The following C19orf47 variants were observed in gnomAD, a reference collection of about 807,000 sequenced individuals.
C19orf47 encodes chromosome 19 open reading frame 47.
A neutral mutation model predicts 32.3 loss-of-function variants in C19orf47; 18 were observed. That is an observed-to-expected ratio of 0.56 (90% CI 0.39 to 0.83). The LOEUF (loss-of-function observed/expected upper bound fraction) is 0.83. Among genes scored for constraint, C19orf47 ranks in the 40% least tolerant of loss-of-function variants. The pLI, the probability that C19orf47 is intolerant of heterozygous loss-of-function variation, is 0.00. For missense variants in C19orf47, 484 were observed against 531.6 expected, an observed-to-expected ratio of 0.91 and a Z score of 0.88; for synonymous variants, 202 against 211.1, an observed-to-expected ratio of 0.96 and a Z score of 0.37.
chr19:40,317,442 T>G (rs925194378), downstream of C19orf47, among the ~76,000 whole-genome samples: 1 of 151,338 alleles, frequency 6.6e-6, no homozygotes, highest in Admixed American at 6.6e-5. Flanking sequence ...AAACTAAAAG[T>G]AAAAAGTGCT....
intron 5 of C19orf47, among the ~76,000 whole-genome samples, chr19:40,332,890 C>T (rs537078613): frequency 1.6e-4 from 24 of 152,306 alleles, no homozygotes; most frequent in African/African-American, 5.5e-4. Context: ...TGTAAACAAG[C>T]ATCCTTTGCC....
Position 40,328,488 on chromosome 19 carries a change from G to A in C19orf47, c.364C>T (p.Arg122Cys), listed in dbSNP as rs142469218. The A allele has an allele frequency of 7.2e-5, 116 of 1,611,874 alleles. No homozygotes were observed. Among genetic ancestry groups the A allele is most frequent in the African/African-American group, 2.0e-4 (15 of 74,778 alleles). Residue 122 changes from arginine to cysteine, a missense_variant, in exon 6 of 9, where the codon CGC becomes TGC. Transcript: ENST00000683109. ...ATCTTGGAGGTGCTGGTGTCCGGGCGCCTGGGGGGTGTGCTGGGTGGAGAG... is the reference window on the plus strand; with the variant it reads ...ATCTTGGAGGTGCTGGTGTCCGGGCACCTGGGGGGTGTGCTGGGTGGAGAG... ...HDSPPSTPPR[R>C]PDTSTSKISV...
Position 40,322,351 on chromosome 19 carries a change from C to T in C19orf47, c.689G>A (p.Gly230Glu). 1.3e-6 allele frequency: 2 copies of T among 1,594,922 alleles called. No individual in the cohort carries two copies. The highest frequency in any genetic ancestry group is 1.7e-6 in the Non-Finnish European group (2 of 1,168,120). Residue 230 changes from glycine (G) to glutamate (E), a missense_variant, in exon 9 of 9, where the codon GGG becomes GAG. This residue lies in a region of C19orf47 where 376 missense variants were observed against 370.2 expected (regional missense o/e 1.02). Transcript: ENST00000683109. Reference protein sequence around the residue: ...SKPTGVFSRLGATPETDEDLA... With the variant: ...SKPTGVFSRLEATPETDEDLA... ...ATCCTCGTCCGTTTCTGGGGTGGCC[C>T]CCAGGCGGCTGAAGACTCCTGTGGG... is the stretch of plus-strand genomic sequence containing the variant.
intron 1 of C19orf47, among the ~76,000 whole-genome samples, chr19:40,347,015 G>A (rs2078311376): frequency 6.6e-6 from 1 of 152,092 alleles, no homozygotes; most frequent in Non-Finnish European, 1.5e-5. Context: ...TGTGAGCTGG[G>A]AACAAGTATA....
intron 4 of C19orf47, among the ~76,000 whole-genome samples, chr19:40,335,624 T>TG (rs1374076550): frequency 1.3e-5 from 2 of 151,882 alleles, no homozygotes; most frequent in Non-Finnish European, 2.9e-5. Context: ...TTTTTTTTTT[T>TG]TTCTTGAGAG....
At chr19:40,316,786 T>C (rs186684630), downstream of C19orf47, among the ~76,000 whole-genome samples, 113 of 152,344 alleles carry the variant, frequency 7.4e-4, no homozygotes, top group Non-Finnish European at 1.2e-3. Flanking sequence ...AAGTCACCCC[T>C]GAATTGATCC....
rs1360305530 is a variant in C19orf47 at position 40,343,489 on chromosome 19, A to T, written c.-33-1599T>A. ...ACATGACTTACCTTAGAGGACTGCT[A>T]TAAGGGCTGGATGAGTTTCTATGAA... On this transcript the variant is annotated intron_variant, in intron 1 of 8. Coordinates refer to ENST00000683109, the MANE Select transcript of C19orf47 (RefSeq NM_001256441.2). 3 of 152,222 alleles carry T rather than the reference A, an allele frequency of 2.0e-5. No homozygotes were observed. The East Asian group carries it at 5.8e-4, about 29-fold the overall frequency. The allele number at this position is 152,222 out of a possible 1,614,324, so 9.4% of individuals were successfully genotyped here. A position where few individuals can be genotyped will look rare whatever the true frequency, so the allele number is the denominator to read the frequency against.
intron 8 of C19orf47, among the ~76,000 whole-genome samples, chr19:40,322,823 G>A (rs55710016): frequency 0.38 from 58,537 of 152,078 alleles, 12,878 homozygotes; most frequent in South Asian, 0.61. Flanking sequence ...CAGCCTCAGC[G>A]CTGCCCGCAT....
chr19:40,332,861 C>T (rs1311664089), intron 5 of C19orf47, among the ~76,000 whole-genome samples: 1 of 152,208 alleles, frequency 6.6e-6, no homozygotes, highest in African/African-American at 2.4e-5. Context: ...TTCTCACCCT[C>T]TTATTTCAGG....
chr19:40,324,404 G>A, intron 7 of C19orf47: 1 of 385,584 alleles, frequency 2.6e-6, no homozygotes, highest in Non-Finnish European at 4.8e-6. Flanking sequence ...GAGAGAATCT[G>A]ATGAGTGGTA....
In C19orf47 at chr19:40,323,655, A is replaced by G. The variant is rs547750515; in HGVS notation, c.663+351T>C. Among the ~76,000 whole-genome samples the G allele has an allele frequency of 4.6e-5, 7 of 152,268 alleles. No individual in the cohort carries two copies. The South Asian group carries it at 1.0e-3, about 23-fold the overall frequency. ...GACAGGGAGAGGTGGCAGAGGAGGG[A>G]GAGACAGTAGAGTCATCAGACCCAC... On this transcript the variant is annotated intron_variant, in intron 8 of 8. Coordinates refer to ENST00000683109, the MANE Select transcript of C19orf47 (RefSeq NM_001256441.2).
Position 40,324,049 on chromosome 19 carries a change from C to T in C19orf47, c.620G>A (p.Arg207His). The T allele has an allele frequency of 3.7e-6, 6 of 1,614,226 alleles. No individual in the cohort carries two copies. The highest frequency in any genetic ancestry group is 2.2e-5 in the South Asian group (2 of 91,090). ...GTCTGCCTTGGTCTCGGCGCCGAGG[C>T]GGTCAAACACAGACGTCCTATGGAG... Reference protein sequence around the residue: ...KGLHRTSVFDRLGAETKADTT... With the variant: ...KGLHRTSVFDHLGAETKADTT... The change falls in exon 8 of 9, where the codon CGC (arginine) becomes CAC (histidine). Residue 207 changes from arginine to histidine, a missense_variant. Coordinates refer to ENST00000683109, the MANE Select transcript of C19orf47 (RefSeq NM_001256441.2).
In C19orf47 at chr19:40,346,442, CAAATAAATAAATAAAT is replaced by C. The variant is rs201362970; in HGVS notation, c.-34+1866_-34+1881del. 9.2e-4 allele frequency among the ~76,000 whole-genome samples: 97 copies of C among 105,860 alleles called. 1 individual carries two copies. The highest frequency in any genetic ancestry group is 2.2e-3 in the East Asian group (8 of 3,584). 69.4% of individuals were successfully genotyped at this position (105,860 alleles called of 152,430 possible). A position where few individuals can be genotyped will look rare whatever the true frequency, so the allele number is the denominator to read the frequency against. On this transcript the variant is annotated intron_variant, in intron 1 of 8. Coordinates refer to ENST00000683109, the MANE Select transcript of C19orf47 (RefSeq NM_001256441.2). ...TGGGCAACAGAGCGAGACCTTGTCT[CAAATAAATAAATAAAT>C]AAATAAATAAATAAATAAATAAATA...
At chr19:40,307,658 G>A in the C19orf47 span, among the ~76,000 whole-genome samples, 1 of 152,154 alleles carries the variant, frequency 6.6e-6, no homozygotes, top group South Asian at 2.1e-4. Context: ...GGGATTACAG[G>A]AAATTTCAGA....
intron 7 of C19orf47, among the ~76,000 whole-genome samples, chr19:40,325,909 G>C (rs958728735): frequency 2.0e-5 from 3 of 152,166 alleles, no homozygotes; most frequent in Non-Finnish European, 4.4e-5. Flanking sequence ...CAAAGTGCTG[G>C]AATTACAGGT....
At chr19:40,313,363 T>C in the C19orf47 span, among the ~76,000 whole-genome samples, 1 of 152,170 alleles carries the variant, frequency 6.6e-6, no homozygotes, top group African/African-American at 2.4e-5. Flanking sequence ...CTCACTCTGT[T>C]GCCCAGGCTA....
chr19:40,346,202 G>C (rs192177799), intron 1 of C19orf47, among the ~76,000 whole-genome samples: 3 of 146,046 alleles, frequency 2.1e-5, no homozygotes, highest in Non-Finnish European at 4.5e-5. Context: ...CCAGCACCTT[G>C]GGAGGCTGAG....
chr19:40,295,965 T>C, the C19orf47 span, among the ~76,000 whole-genome samples: 3 of 149,976 alleles, frequency 2.0e-5, no homozygotes, highest in Admixed American at 6.6e-5. Context: ...AGGCTGCTCT[T>C]AAACTCCTGG....
chr19:40,327,160 T>A (rs756909150), intron 6 of C19orf47, among the ~76,000 whole-genome samples: 1 of 151,898 alleles, frequency 6.6e-6, no homozygotes, highest in Non-Finnish European at 1.5e-5. Context: ...ATTACAGGCA[T>A]GCGCCACCAC....
Sources: gnomAD v4.1 joint callset for allele counts (sites outside exome capture counted in the v4.1 genomes callset) on GRCh38, gnomAD v4.1.1 for gene constraint, gnomAD v4.1.1 regional missense constraint, MANE v1.5 for transcripts, NCBI Gene and HGNC (gene_info 2026-07-23, HGNC 2026-07-21) for gene names.